CNTN5: variants seen among roughly 807,000 people sequenced by gnomAD.
The protein encoded by CNTN5 is contactin 5, also known as contactin-5.
Under a neutral mutation model 129.1 loss-of-function variants are expected in CNTN5, and 77 were observed. The ratio of observed to expected loss-of-function variants is 0.60; its 90% CI spans 0.50 to 0.72. The LOEUF (loss-of-function observed/expected upper bound fraction) is 0.72. Among genes scored for constraint, CNTN5 ranks in the 30% least tolerant of loss-of-function variants. CNTN5 has a pLI of 0.00. For synonymous variants in CNTN5, 509 were observed against 465.6 expected, an observed-to-expected ratio of 1.09 and a Z score of -1.20; for missense variants, 1,478 against 1,328.8, an observed-to-expected ratio of 1.11 and a Z score of -1.75.
chr11:99,139,469 T>G (rs948468592), intron 1 of CNTN5, among the ~76,000 whole-genome samples: 1 of 152,074 alleles, frequency 6.6e-6, no homozygotes, highest in African/African-American at 2.4e-5. Flanking sequence ...AAAATGCTAA[T>G]TGAAGAGAAA....
At chr11:99,479,619 G>A (rs564568676) in intron 2 of CNTN5, among the ~76,000 whole-genome samples, 4 of 151,906 alleles carry the variant, frequency 2.6e-5, no homozygotes, top group Non-Finnish European at 5.9e-5. Flanking sequence ...CAAGCCATTT[G>A]GCATAAAGCT....
At chr11:99,865,056 C>T (rs1565618769) in intron 6 of CNTN5, among the ~76,000 whole-genome samples, 1 of 152,156 alleles carries the variant, frequency 6.6e-6, no homozygotes, top group African/African-American at 2.4e-5. Context: ...ATTAACAAAA[C>T]ACCTATTTTG....
At chr11:99,576,976 T>A (rs1949376318) in intron 3 of CNTN5, among the ~76,000 whole-genome samples, 1 of 152,176 alleles carries the variant, frequency 6.6e-6, no homozygotes, top group South Asian at 2.1e-4. Flanking sequence ...ATCTTTGGAC[T>A]GAGTAATCAA....
At chr11:99,570,336 C>G (rs1949137590) in intron 3 of CNTN5, among the ~76,000 whole-genome samples, 1 of 152,156 alleles carries the variant, frequency 6.6e-6, no homozygotes, top group Admixed American at 6.5e-5. Flanking sequence ...AAGGAATTGA[C>G]TGTTTTTAAA....
At chr11:99,376,638 G>A (rs932572768) in intron 2 of CNTN5, among the ~76,000 whole-genome samples, 2 of 152,124 alleles carry the variant, frequency 1.3e-5, no homozygotes, top group African/African-American at 4.8e-5. Context: ...CTGTACTTAT[G>A]CCAAATGGCA....
At chr11:100,213,695 C>T (rs914750181) in intron 15 of CNTN5, among the ~76,000 whole-genome samples, 1 of 152,032 alleles carries the variant, frequency 6.6e-6, no homozygotes, top group Non-Finnish European at 1.5e-5. Context: ...CTGAACTATT[C>T]TTCTATTTGA....
intron 1 of CNTN5, among the ~76,000 whole-genome samples, chr11:99,229,965 A>G (rs903304625): frequency 6.6e-6 from 1 of 151,894 alleles, no homozygotes; most frequent in Non-Finnish European, 1.5e-5. Flanking sequence ...TCCTCATAAT[A>G]TTAAGCTCCA....
intron 2 of CNTN5, among the ~76,000 whole-genome samples, chr11:99,545,700 C>T (rs1412231388): frequency 6.6e-6 from 1 of 152,170 alleles, no homozygotes; most frequent in Non-Finnish European, 1.5e-5. Flanking sequence ...AGTATATATT[C>T]TGCAAATTAT....
chr11:99,659,418 T>C (rs920110626), intron 3 of CNTN5, among the ~76,000 whole-genome samples: 3 of 152,158 alleles, frequency 2.0e-5, no homozygotes, highest in African/African-American at 7.2e-5. Flanking sequence ...TAGGTTTTGG[T>C]AACTGTAAAC....
At chr11:100,129,839 TTGTGTGTG>T (rs71305308) in intron 13 of CNTN5, among the ~76,000 whole-genome samples, 1 of 150,748 alleles carries the variant, frequency 6.6e-6, no homozygotes, top group Non-Finnish European at 1.5e-5. Flanking sequence ...GTGTGTGTGT[TTGTGTGTG>T]TGTGTGTGTT....
At chr11:100,344,414 G>T (rs1952234174) in intron 23 of CNTN5, among the ~76,000 whole-genome samples, 1 of 152,114 alleles carries the variant, frequency 6.6e-6, no homozygotes, top group Non-Finnish European at 1.5e-5. Flanking sequence ...CTATATACAG[G>T]ATAGACATTC....
chr11:99,542,786 C>T (rs1228193642), intron 2 of CNTN5, among the ~76,000 whole-genome samples: 1 of 152,198 alleles, frequency 6.6e-6, no homozygotes, highest in Non-Finnish European at 1.5e-5. Context: ...CTTGTACCAC[C>T]ACCCTGCTCA....
At chr11:99,659,430 G>A (rs886218050) in intron 3 of CNTN5, among the ~76,000 whole-genome samples, 8 of 152,090 alleles carry the variant, frequency 5.3e-5, no homozygotes, top group Admixed American at 6.6e-5. Context: ...ACTGTAAACC[G>A]TGTTTTAATT....
intron 3 of CNTN5, among the ~76,000 whole-genome samples, chr11:99,681,335 A>G (rs1423761253): frequency 7.8e-6 from 1 of 127,530 alleles, no homozygotes; most frequent in South Asian, 2.5e-4. Flanking sequence ...TACACTACTA[A>G]GAATTTTTTT....
In CNTN5 at chr11:100,065,679, C is replaced by A. The variant is rs192910675; in HGVS notation, c.1162+4286C>A. Among the ~76,000 whole-genome samples, 190 of 152,062 alleles carry A rather than the reference C, an allele frequency of 1.2e-3. 1 individual carries two copies. The highest frequency in any genetic ancestry group is 4.4e-3 in the African/African-American group (181 of 41,486). On this transcript the variant is annotated intron_variant, in intron 10 of 24. Coordinates refer to ENST00000524871, the MANE Select transcript of CNTN5 (RefSeq NM_014361.4). ...CAGGATTCAAATCCTACCTCCACCC[C>A]CAAGGATAGCATGCTACTTCTCAGT...
chr11:99,933,045 T>C (rs1950227686), intron 7 of CNTN5, among the ~76,000 whole-genome samples: 1 of 152,222 alleles, frequency 6.6e-6, no homozygotes, highest in African/African-American at 2.4e-5. Flanking sequence ...AACTACTGTT[T>C]ATTAATTGTT....
intron 1 of CNTN5, among the ~76,000 whole-genome samples, chr11:99,251,465 A>G (rs1005974718): frequency 2.6e-5 from 4 of 151,872 alleles, no homozygotes; most frequent in African/African-American, 9.7e-5. Context: ...TAGAAATAGT[A>G]TCTTCCATAT....
At chr11:99,051,305 C>T (rs2135175629) in intron 1 of CNTN5, among the ~76,000 whole-genome samples, 2 of 151,876 alleles carry the variant, frequency 1.3e-5, no homozygotes, top group South Asian at 4.2e-4. Flanking sequence ...TAGTTGGTCC[C>T]AAAGGAAAAG....
intron 2 of CNTN5, among the ~76,000 whole-genome samples, chr11:99,339,427 A>G (rs1866406754): frequency 6.6e-6 from 1 of 152,080 alleles, no homozygotes; most frequent in African/African-American, 2.4e-5. Flanking sequence ...TGAGGCATAA[A>G]GAATGTAAGG....
Sources: allele counts gnomAD v4.1 joint callset (sites outside exome capture counted in the v4.1 genomes callset), GRCh38; gene constraint gnomAD v4.1.1; transcripts MANE v1.5; gene names NCBI Gene and HGNC (gene_info 2026-07-23, HGNC 2026-07-21).